ZHX2: variants seen among roughly 807,000 people sequenced by gnomAD.
ZHX2 encodes the protein zinc fingers and homeoboxes protein 2.
Under a neutral mutation model 21.9 loss-of-function variants are expected in ZHX2, and 6 were observed. The ratio of observed to expected loss-of-function variants is 0.27; its 90% CI spans 0.15 to 0.54. The LOEUF is 0.54. ZHX2 is among the 20% of genes least tolerant of loss of function. The pLI, the probability that ZHX2 is intolerant of heterozygous loss-of-function variation, is 0.95. For missense variants in ZHX2, 908 were observed against 1,090.7 expected (o/e 0.83, Z 2.36); for synonymous variants, 434 against 437.1 (o/e 0.99, Z 0.09).
rs11323549 is a variant in ZHX2 at position 122,968,841 on chromosome 8, GAA to G, written c.*5-4389_*5-4388del. ...GCAGCAAGAGCAAGACTCCATCTTG[GAA>G]AAAAAAAAAAAGAAAAAGAAATATT... On this transcript the variant is annotated intron_variant, in intron 3 of 3. Transcript: ENST00000314393. Among the ~76,000 whole-genome samples the G allele has an allele frequency of 3.2e-3, 452 of 141,818 alleles. 2 individuals are homozygous for G. Among genetic ancestry groups the G allele is most frequent in the African/African-American group, 0.01 (385 of 38,262 alleles). 93.0% of individuals were successfully genotyped at this position (141,818 alleles called of 152,430 possible).
intron 1 of ZHX2, among the ~76,000 whole-genome samples, chr8:122,836,869 T>C (rs972788912): frequency 5.3e-5 from 8 of 152,166 alleles, no homozygotes; most frequent in Non-Finnish European, 1.2e-4. Flanking sequence ...AATCTTACAC[T>C]ACTGGGCTGC....
intron 2 of ZHX2, among the ~76,000 whole-genome samples, chr8:122,935,987 T>C (rs958206270): frequency 1.3e-5 from 2 of 152,168 alleles, no homozygotes; most frequent in African/African-American, 4.8e-5. Flanking sequence ...ATTCCCTGAG[T>C]ATCTAAGGCA....
intron 2 of ZHX2, among the ~76,000 whole-genome samples, chr8:122,866,819 C>A (rs753539220): frequency 6.6e-6 from 1 of 152,038 alleles, no homozygotes; most frequent in Non-Finnish European, 1.5e-5. Flanking sequence ...AAAATAATTT[C>A]TTTATTTTTT....
intron 2 of ZHX2, among the ~76,000 whole-genome samples, chr8:122,947,095 A>AAAAG (rs1812995054): frequency 7.2e-6 from 1 of 138,368 alleles, no homozygotes; most frequent in African/African-American, 2.8e-5. Flanking sequence ...GTCTTTGCAA[A>AAAAG]AAAAAAAAAA....
chr8:122,959,164 G>A (rs780234756), intron 3 of ZHX2, among the ~76,000 whole-genome samples: 3 of 152,142 alleles, frequency 2.0e-5, no homozygotes, highest in Non-Finnish European at 2.9e-5. Context: ...CACCACCTTC[G>A]CTGCCTCCTG....
intron 1 of ZHX2, among the ~76,000 whole-genome samples, chr8:122,806,050 G>C (rs927313566): frequency 1.3e-5 from 2 of 152,122 alleles, no homozygotes; most frequent in Admixed American, 1.3e-4. Flanking sequence ...CTTGGCCTTT[G>C]CACAGTTTCC....
At chr8:122,897,153 A>T (rs1586369675) in intron 2 of ZHX2, among the ~76,000 whole-genome samples, 1 of 152,354 alleles carries the variant, frequency 6.6e-6, no homozygotes, top group East Asian at 1.9e-4. Context: ...CACTGGAGTC[A>T]CTTCCAGATC....
chr8:122,953,714 A>T lies in ZHX2; in HGVS notation c.2204A>T (p.Lys735Ile). ...DVVPQYYKDP[K>I]KLCEEDLEKL... ...GTTCCACAATATTACAAGGACCCCA[A>T]AAAGCTCTGCGAAGAGGACTTGGAG... The change falls in exon 3 of 4, where the codon AAA becomes ATA. Residue 735 changes from lysine to isoleucine, a missense_variant. By Grantham distance (102) the Lys-to-Ile change is moderately radical. This residue lies in a region of ZHX2 where 431 missense variants were observed against 428.6 expected (regional missense o/e 1.01). Coordinates refer to ENST00000314393, the MANE Select transcript of ZHX2 (RefSeq NM_014943.5). This position sits in a 1 kb window ranked among gnomAD's most constrained non-coding sequence, Gnocchi z 4.6. The T allele has an allele frequency of 1.2e-6, 2 of 1,614,250 alleles. No individual in the cohort carries two copies. Among genetic ancestry groups the T allele is most frequent in the Non-Finnish European group, 1.7e-6 (2 of 1,180,038 alleles).
intron 1 of ZHX2, among the ~76,000 whole-genome samples, chr8:122,788,295 C>T (rs1317736675): frequency 6.6e-5 from 10 of 152,204 alleles, no homozygotes; most frequent in African/African-American, 2.2e-4. Context: ...TGATGGCTCA[C>T]GCCTGTAATC....
At chr8:122,969,169 AAG>A (rs959135816) in intron 3 of ZHX2, among the ~76,000 whole-genome samples, 5 of 149,556 alleles carry the variant, frequency 3.3e-5, no homozygotes, top group Non-Finnish European at 5.9e-5. Context: ...TCAAAAAAAA[AAG>A]AGAGAGAGAG....
rs146817834 is a variant in ZHX2 at position 122,951,540 on chromosome 8, A to T, written c.30A>T (p.Pro10=). MASKRKSTT[P]CMVRTSQVVE... is the part of the protein sequence containing the mutation. ...CTAGCAAACGAAAATCTACAACTCC[A>T]TGCATGGTTCGGACATCACAAGTAG... The change falls in exon 3 of 4, where the codon CCA becomes CCT. Residue 10 remains proline (P), a synonymous_variant. Coordinates refer to ENST00000314393, the MANE Select transcript of ZHX2 (RefSeq NM_014943.5). 6.2e-7 allele frequency: 1 copy of T among 1,613,478 alleles called. No homozygotes were observed. Among genetic ancestry groups the T allele is most frequent in the Non-Finnish European group, 8.5e-7 (1 of 1,179,808 alleles).
intron 3 of ZHX2, among the ~76,000 whole-genome samples, chr8:122,969,091 G>A (rs1437066318): frequency 1.3e-5 from 2 of 152,032 alleles, no homozygotes; most frequent in Non-Finnish European, 2.9e-5. Flanking sequence ...AGCCCAGGAG[G>A]TGGGGATTGC....
intron 2 of ZHX2, among the ~76,000 whole-genome samples, chr8:122,935,161 T>G (rs1429065446): frequency 1.3e-5 from 2 of 152,060 alleles, no homozygotes; most frequent in African/African-American, 4.8e-5. Flanking sequence ...CTGTGTCTTT[T>G]TTTTTTATCT....
chr8:122,783,857 A>C (rs557432973), intron 1 of ZHX2, among the ~76,000 whole-genome samples: 1 of 152,370 alleles, frequency 6.6e-6, no homozygotes, highest in South Asian at 2.1e-4. Flanking sequence ...GTAAGGCTGA[A>C]ATGTGTCACT....
intron 2 of ZHX2, among the ~76,000 whole-genome samples, chr8:122,908,399 G>A (rs894061628): frequency 5.3e-5 from 8 of 151,922 alleles, no homozygotes; most frequent in East Asian, 1.9e-4. Context: ...TAGTAGAGAC[G>A]GGGTTTCACC....
chr8:122,911,385 T>TCTTCCCCCA (rs1269356488), intron 2 of ZHX2, among the ~76,000 whole-genome samples: 1 of 152,094 alleles, frequency 6.6e-6, no homozygotes, highest in Non-Finnish European at 1.5e-5. Context: ...CTTCACACCC[T>TCTTCCCCCA]CTTCCCCCAT....
At chr8:122,872,461 A>G (rs1253434847) in intron 2 of ZHX2, among the ~76,000 whole-genome samples, 1 of 152,132 alleles carries the variant, frequency 6.6e-6, no homozygotes, top group Non-Finnish European at 1.5e-5. Flanking sequence ...CTCTTCCTCC[A>G]CTATTAGGAG....
chr8:122,971,611 C>CAA (rs56331425), intron 3 of ZHX2, among the ~76,000 whole-genome samples: 10,941 of 81,578 alleles, frequency 0.13, 931 homozygotes, highest in Middle Eastern at 0.18. Context: ...GGCCCCTGTA[C>CAA]AAAAAAAAAA....
chr8:122,882,859 G>A (rs976440555), intron 2 of ZHX2, among the ~76,000 whole-genome samples: 1 of 152,096 alleles, frequency 6.6e-6, no homozygotes, highest in African/African-American at 2.4e-5. Context: ...GTGCACACCT[G>A]TAATCCCAGC....
Sources: gnomAD v4.1 joint callset for allele counts (sites outside exome capture counted in the v4.1 genomes callset) on GRCh38, gnomAD v4.1.1 for gene constraint, gnomAD v4.1.1 regional missense constraint, Gnocchi (gnomAD v3.1) non-coding constraint, MANE v1.5 for transcripts, NCBI Gene and HGNC (gene_info 2026-07-23, HGNC 2026-07-21) for gene names.